Variants in PLOD2 observed in about 807,000 individuals in gnomAD.
PLOD2 encodes the protein lysine hydroxylase 2.
A neutral mutation model predicts 101.0 loss-of-function variants in PLOD2; 65 were observed. The ratio of observed to expected loss-of-function variants is 0.64; its 90% CI spans 0.53 to 0.79. PLOD2 has a LOEUF of 0.79. Among genes scored for constraint, PLOD2 ranks in the 30% least tolerant of loss-of-function variants. The pLI, the probability that PLOD2 is intolerant of heterozygous loss-of-function variation, is 0.00. For synonymous variants in PLOD2, 314 were observed against 302.9 expected, an observed-to-expected ratio of 1.04 and a Z score of -0.38; for missense variants, 909 against 914.6, an observed-to-expected ratio of 0.99 and a Z score of 0.08.
At chr3:146,073,415 G>C (rs928971823) in intron 15 of PLOD2, 63 bp from the exon 16 acceptor site, 42 of 609,990 alleles carry the variant, frequency 6.9e-5, no homozygotes, top group South Asian at 5.5e-4. Context: ...AAAGTATAAA[G>C]CATATGCATT....
At chr3:146,095,859 C>A (rs1423483484) in intron 7 of PLOD2, among the ~76,000 whole-genome samples, 5 of 1,300 alleles carry the variant, frequency 3.8e-3, no homozygotes, top group Non-Finnish European at 8.8e-3. Flanking sequence ...TATACCCTCT[C>A]CCCTCTCCCC....
intron 1 of PLOD2, among the ~76,000 whole-genome samples, chr3:146,158,853 T>C (rs1038491896): frequency 2.6e-4 from 39 of 152,318 alleles, no homozygotes; most frequent in Non-Finnish European, 5.4e-4. Flanking sequence ...CTGGGACATG[T>C]TGACAAATAT....
intron 7 of PLOD2, 70 bp downstream of exon 7, chr3:146,102,685 G>T: frequency 1.3e-6 from 1 of 790,042 alleles, no homozygotes. Flanking sequence ...AAATAAAATA[G>T]ATGACATTCC....
intron 1 of PLOD2, among the ~76,000 whole-genome samples, chr3:146,142,149 C>T (rs374170834): frequency 4.2e-4 from 64 of 152,176 alleles, no homozygotes; most frequent in African/African-American, 1.5e-3. Flanking sequence ...GTATTTATCC[C>T]TTGAAAGTAT....
At chr3:146,123,717 G>T (rs2030355218) in intron 2 of PLOD2, among the ~76,000 whole-genome samples, 3 of 149,888 alleles carry the variant, frequency 2.0e-5, no homozygotes, top group Admixed American at 2.0e-4. Flanking sequence ...CTGCCAGAAA[G>T]AAATTATATA....
chr3:146,151,970 A>T (rs2032077699), intron 1 of PLOD2, among the ~76,000 whole-genome samples: 1 of 152,210 alleles, frequency 6.6e-6, no homozygotes, highest in Admixed American at 6.5e-5. Flanking sequence ...AGTTACCTCT[A>T]AAAAAGTTGT....
At chr3:146,075,266 A>G (rs1421430451) in intron 15 of PLOD2, among the ~76,000 whole-genome samples, 1 of 151,618 alleles carries the variant, frequency 6.6e-6, no homozygotes, top group Non-Finnish European at 1.5e-5. Flanking sequence ...TACTATCCCC[A>G]TATCTCAACT....
chr3:146,079,394 A>C lies in PLOD2; in HGVS notation c.1359-137T>G, dbSNP rs1046326641. The C allele has an allele frequency of 9.0e-6, 6 of 666,320 alleles. No individual in the cohort carries two copies. The African/African-American group carries it at 1.1e-4, about 12-fold the overall frequency. 41.3% of individuals were successfully genotyped at this position (666,320 alleles called of 1,614,324 possible). On this transcript the variant is annotated intron_variant, in intron 12 of 19. Transcript: ENST00000282903. ...ATTGAATCAACATACAAATATATTC[A>C]ATGATATATATATAAGATTACATTG...
chr3:146,072,619 C>G lies in PLOD2; in HGVS notation c.1790G>C (p.Cys597Ser). ...TTCCATTTCTTCTACCAATTCATCA[C>G]AGGCTTTTTCAGAAAATATGGGGAA... ...FWFPIFSEKA[C>S]DELVEEMEHY... Residue 597 changes from cysteine to serine, a missense_variant, in exon 17 of 20, where the codon TGT becomes TCT. Physicochemically the swap from Cys to Ser is moderately radical, Grantham distance 112. Transcript: ENST00000282903. The G allele has an allele frequency of 6.2e-7, 1 of 1,610,736 alleles. No individual in the cohort carries two copies. The highest frequency in any genetic ancestry group is 2.2e-5 in the East Asian group (1 of 44,762).
chr3:146,119,292 C>T (rs1938070631), intron 3 of PLOD2, among the ~76,000 whole-genome samples: 1 of 152,180 alleles, frequency 6.6e-6, no homozygotes, highest in Admixed American at 6.5e-5. Flanking sequence ...AGAAGCCAAG[C>T]AGCTGGCCAG....
intron 1 of PLOD2, among the ~76,000 whole-genome samples, chr3:146,134,516 A>C (rs1174240339): frequency 6.6e-6 from 1 of 152,214 alleles, no homozygotes; most frequent in Non-Finnish European, 1.5e-5. Flanking sequence ...TTTGAGTGGG[A>C]TGGGGTAACC....
At chr3:146,135,778 C>A (rs541772118) in intron 1 of PLOD2, among the ~76,000 whole-genome samples, 1 of 151,910 alleles carries the variant, frequency 6.6e-6, no homozygotes, top group African/African-American at 2.4e-5. Flanking sequence ...TTTTGTATTT[C>A]TTCGAGATAT....
chr3:146,086,673 C>A (rs1936782715), intron 10 of PLOD2, 114 bp downstream of exon 10: 2 of 676,666 alleles, frequency 3.0e-6, no homozygotes, highest in East Asian at 6.0e-5. Context: ...CATACGCAAA[C>A]AAATAGTTTG....
intron 1 of PLOD2, among the ~76,000 whole-genome samples, chr3:146,126,464 T>C (rs1406806845): frequency 6.6e-6 from 1 of 152,118 alleles, no homozygotes; most frequent in Non-Finnish European, 1.5e-5. Flanking sequence ...TAACCTAAAC[T>C]GGATACGTAC....
chr3:146,126,234 T>C (rs2030549032), intron 1 of PLOD2, among the ~76,000 whole-genome samples: 1 of 152,020 alleles, frequency 6.6e-6, no homozygotes, highest in African/African-American at 2.4e-5. Context: ...CTCAACCAAA[T>C]CACAAATACA....
At chr3:146,103,545 G>A (rs1031203001) in intron 6 of PLOD2, among the ~76,000 whole-genome samples, 5 of 150,904 alleles carry the variant, frequency 3.3e-5, no homozygotes, top group Non-Finnish European at 5.9e-5. Context: ...TTGCAGCCTC[G>A]AACTCCTGGG....
intron 1 of PLOD2, among the ~76,000 whole-genome samples, chr3:146,142,130 A>T (rs1576625525): frequency 6.6e-6 from 1 of 152,130 alleles, no homozygotes; most frequent in Admixed American, 6.6e-5. Context: ...TTTCAAAAAG[A>T]TGAGAAAAGT....
chr3:146,071,202 T>C (rs755117183), intron 18 of PLOD2, 35 bp from the exon 19 acceptor site: 27 of 1,610,814 alleles, frequency 1.7e-5, no homozygotes, highest in Non-Finnish European at 2.2e-5. Flanking sequence ...GATTTGCTTA[T>C]TAATAAAAAC....
chr3:146,121,674 A>G (rs1442347973), intron 2 of PLOD2, among the ~76,000 whole-genome samples: 1 of 152,154 alleles, frequency 6.6e-6, no homozygotes, highest in Non-Finnish European at 1.5e-5. Flanking sequence ...CAATTTTCCT[A>G]CTGAACCAAA....
Sources: gnomAD v4.1 joint callset for allele counts (sites outside exome capture counted in the v4.1 genomes callset) on GRCh38, gnomAD v4.1.1 for gene constraint, MANE v1.5 for transcripts, NCBI Gene and HGNC (gene_info 2026-07-23, HGNC 2026-07-21) for gene names.